DDAH1: variants seen among roughly 807,000 people sequenced by gnomAD.
The protein encoded by DDAH1 is dimethylarginine dimethylaminohydrolase 1, also known as N(G),N(G)-dimethylarginine dimethylaminohydrolase 1.
DDAH1 carries 19 observed loss-of-function variants against 28.8 expected under a neutral mutation model. The observed-to-expected ratio is 0.66, with a 90% confidence interval of 0.46 to 0.97. The LOEUF (loss-of-function observed/expected upper bound fraction) is 0.97. Among genes scored for constraint, DDAH1 ranks in the 50% least tolerant of loss-of-function variants. The pLI is 0.00. For synonymous variants in DDAH1, 153 were observed against 154.4 expected (o/e 0.99, Z 0.07); for missense variants, 326 against 375.9 (o/e 0.87, Z 1.10).
rs532594209 is a variant in DDAH1 at position 85,429,498 on chromosome 1, T to C, written c.303+35245A>G. On this transcript the variant is annotated intron_variant, in intron 1 of 5. Coordinates refer to ENST00000284031, the MANE Select transcript of DDAH1 (RefSeq NM_012137.4). ...CATATGTGTGCATGTGTCTTTATAG[T>C]AGAATGATTTATAATCCTTTGGGTA... Among the ~76,000 whole-genome samples, 11 of 152,314 alleles carry C rather than the reference T, an allele frequency of 7.2e-5. 1 individual carries two copies. The highest frequency in any genetic ancestry group is 1.9e-4 in the East Asian group (1 of 5,174).
intron 1 of DDAH1, among the ~76,000 whole-genome samples, chr1:85,557,401 G>A (rs1659003046): frequency 6.6e-6 from 1 of 152,210 alleles, no homozygotes; most frequent in Non-Finnish European, 1.5e-5. Context: ...AATGTTATAA[G>A]ATATGTGCTT....
At chr1:85,395,848 A>C (rs1651789171) in intron 1 of DDAH1, among the ~76,000 whole-genome samples, 1 of 152,112 alleles carries the variant, frequency 6.6e-6, no homozygotes, top group South Asian at 2.1e-4. Context: ...ATTAAGCTTT[A>C]TTTTTAAAAT....
At chr1:85,342,789 A>G (rs1375050841) in intron 4 of DDAH1, among the ~76,000 whole-genome samples, 2 of 152,190 alleles carry the variant, frequency 1.3e-5, no homozygotes, top group Non-Finnish European at 2.9e-5. Context: ...ATATCCTTGA[A>G]AGCAGTGGCT....
intron 1 of DDAH1, among the ~76,000 whole-genome samples, chr1:85,398,214 ATTGT>A (rs1198872313): frequency 1.3e-5 from 2 of 152,108 alleles, no homozygotes; most frequent in African/African-American, 4.8e-5. Context: ...ATAATCTGAG[ATTGT>A]TTGTCAAAAT....
At chr1:85,403,731 T>C (rs1203102513) in intron 1 of DDAH1, among the ~76,000 whole-genome samples, 1 of 152,156 alleles carries the variant, frequency 6.6e-6, no homozygotes, top group Non-Finnish European at 1.5e-5. Flanking sequence ...GAAAGATCTA[T>C]TTTCCCCCAA....
chr1:85,435,034 A>G (rs79044015), intron 1 of DDAH1: 3 of 152,098 alleles, frequency 2.0e-5, no homozygotes, highest in Admixed American at 6.5e-5. Context: ...TGTTGTTCCT[A>G]TAACTGTTTT....
chr1:85,540,650 C>A (rs1015108660), intron 1 of DDAH1, among the ~76,000 whole-genome samples: 3 of 152,022 alleles, frequency 2.0e-5, no homozygotes, highest in Non-Finnish European at 4.4e-5. Context: ...TGCATGTAAC[C>A]GGCTCTTTAA....
At position 85,494,288 on chromosome 1, in the gene DDAH1, CTAACT is replaced by C. The variant is rs1213441591; in HGVS notation, c.-7+1873_-7+1877del. The C allele has an allele frequency of 2.0e-5, 3 of 152,196 alleles. No individual in the cohort carries two copies. In the East Asian group the frequency reaches 5.8e-4, roughly 29 times the overall value. 9.4% of individuals were successfully genotyped at this position (152,196 alleles called of 1,614,324 possible). A position where few individuals can be genotyped will look rare whatever the true frequency, so the allele number is the denominator to read the frequency against. On this transcript the variant is annotated intron_variant, in intron 2 of 6. Coordinates refer to the DDAH1 transcript ENST00000426972. ...CATAATAAAATTGCATTAAGGCTGC[CTAACT>C]TAATTAAACATAGCTACTGAAATGA... is the stretch of plus-strand genomic sequence containing the variant.
intron 4 of DDAH1, among the ~76,000 whole-genome samples, chr1:85,332,114 C>T: frequency 6.6e-6 from 1 of 152,194 alleles, no homozygotes; most frequent in East Asian, 1.9e-4. Context: ...ATGGAGCCCA[C>T]TCGGGTCCCA....
intron 4 of DDAH1, among the ~76,000 whole-genome samples, chr1:85,331,416 C>CATAT (rs1647753221): frequency 1.1e-5 from 1 of 87,348 alleles, no homozygotes; most frequent in Admixed American, 1.1e-4. Flanking sequence ...TCTTTATATT[C>CATAT]ATATATGTAT....
At chr1:85,437,035 A>G (rs1205647363) in intron 1 of DDAH1, among the ~76,000 whole-genome samples, 1 of 152,204 alleles carries the variant, frequency 6.6e-6, no homozygotes, top group Admixed American at 6.5e-5. Flanking sequence ...AACCAAAAAA[A>G]AACCTGTGAT....
At chr1:85,552,187 C>A (rs1658813674) in intron 1 of DDAH1, among the ~76,000 whole-genome samples, 1 of 152,150 alleles carries the variant, frequency 6.6e-6, no homozygotes. Flanking sequence ...CTTTTATAGA[C>A]CAGAAGAGAA....
intron 1 of DDAH1, among the ~76,000 whole-genome samples, chr1:85,383,160 T>C (rs1273373159): frequency 6.6e-6 from 1 of 152,154 alleles, no homozygotes; most frequent in Admixed American, 6.6e-5. Flanking sequence ...GCAAAATAAG[T>C]GGGAAACCTT....
chr1:85,324,927 C>T, intron 4 of DDAH1, 44 bp from the exon 5 acceptor site: 2 of 1,604,114 alleles, frequency 1.2e-6, no homozygotes, highest in Non-Finnish European at 1.7e-6. Flanking sequence ...TAACTCCCCA[C>T]ACTTTCAAAC....
Position 85,328,163 on chromosome 1 carries a change from A to G in DDAH1, c.598-3280T>C, listed in dbSNP as rs76680830. Reference sequence around the variant, plus strand: ...TTTCAAAGCCATACAGAAGGGCACTATACTCTGTGGTCCTAACTCAAATGA... The same window carrying G: ...TTTCAAAGCCATACAGAAGGGCACTGTACTCTGTGGTCCTAACTCAAATGA... On this transcript the variant is annotated intron_variant, in intron 4 of 5. Coordinates refer to ENST00000284031, the MANE Select transcript of DDAH1 (RefSeq NM_012137.4). Among the ~76,000 whole-genome samples, 349 of 152,342 alleles carry G rather than the reference A, an allele frequency of 2.3e-3. 3 individuals are homozygous for G. Among genetic ancestry groups the G allele is most frequent in the African/African-American group, 8.2e-3 (343 of 41,576 alleles).
chr1:85,439,826 T>C (rs1037290860), intron 1 of DDAH1, among the ~76,000 whole-genome samples: 1 of 152,216 alleles, frequency 6.6e-6, no homozygotes, highest in Admixed American at 6.5e-5. Flanking sequence ...TTTTTACTAA[T>C]TTTCCTACTT....
chr1:85,381,094 C>G (rs747317973), intron 1 of DDAH1, among the ~76,000 whole-genome samples: 1 of 151,614 alleles, frequency 6.6e-6, no homozygotes, highest in Non-Finnish European at 1.5e-5. Flanking sequence ...AAAAATTAGC[C>G]GGGCGTGGTG....
chr1:85,337,186 C>G lies in DDAH1; in HGVS notation c.598-12303G>C, dbSNP rs545962393. Among the ~76,000 whole-genome samples, 4 of 152,242 alleles carry G rather than the reference C, an allele frequency of 2.6e-5. No individual in the cohort carries two copies. In the South Asian group the frequency reaches 8.3e-4, roughly 32 times the overall value. ...TTGTTTCTTGTTTTATATCATCTTT[C>G]CCTTCTATTTTTAGTTATGTTATTT... On this transcript the variant is annotated intron_variant, in intron 4 of 5. Coordinates refer to ENST00000284031, the MANE Select transcript of DDAH1 (RefSeq NM_012137.4).
chr1:85,487,026 A>G (rs1656229213), intron 2 of DDAH1, among the ~76,000 whole-genome samples: 1 of 152,248 alleles, frequency 6.6e-6, no homozygotes, highest in African/African-American at 2.4e-5. Context: ...CTGGGGCAGT[A>G]TGATATAGTG....
Sources: allele counts gnomAD v4.1 joint callset (sites outside exome capture counted in the v4.1 genomes callset), GRCh38; gene constraint gnomAD v4.1.1; transcripts MANE v1.5; gene names NCBI Gene and HGNC (gene_info 2026-07-23, HGNC 2026-07-21).